Variants in TUBGCP6 observed in about 807,000 individuals in gnomAD.
The protein encoded by TUBGCP6 is tubulin gamma complex component 6.
A neutral mutation model predicts 175.8 loss-of-function variants in TUBGCP6; 161 were observed. The ratio of observed to expected loss-of-function variants is 0.92; its 90% confidence interval spans 0.81 to 1.04. TUBGCP6 has a LOEUF of 1.04. Ranked by LOEUF, TUBGCP6 falls within the 50% of genes least tolerant of loss-of-function variation. The probability of loss-of-function intolerance (pLI) is 0.00; values close to 1 mark genes in which losing one functional copy is unlikely to be tolerated. For synonymous variants in TUBGCP6, 1,173 were observed against 1,030.5 expected, an observed-to-expected ratio of 1.14 and a Z score of -2.65; for missense variants, 2,572 against 2,433.0, an observed-to-expected ratio of 1.06 and a Z score of -1.20.
chr22:50,225,993 T>C, intron 9 of TUBGCP6, 50 bp from the exon 10 acceptor site: 1 of 1,613,150 alleles, frequency 6.2e-7, no homozygotes, highest in Non-Finnish European at 8.5e-7. Flanking sequence ...CCCAGCCTCA[T>C]ACTCAGCCCC....
intron 1 of TUBGCP6, among the ~76,000 whole-genome samples, chr22:50,241,613 T>C (rs1320425737): frequency 1.3e-5 from 2 of 152,134 alleles, no homozygotes; most frequent in African/African-American, 4.8e-5. Context: ...AGCAAATTAG[T>C]GAAAGTACTA....
At chr22:50,227,885 C>A in intron 5 of TUBGCP6, 22 bp downstream of exon 5, 1 of 1,567,666 alleles carries the variant, frequency 6.4e-7, no homozygotes, top group Non-Finnish European at 8.6e-7. Flanking sequence ...GTCCCCTGCT[C>A]AGCCGCCATG....
intron 14 of TUBGCP6, 82 bp downstream of exon 14, chr22:50,222,372 T>C (rs2147181870): frequency 6.4e-7 from 1 of 1,573,386 alleles, no homozygotes; most frequent in Non-Finnish European, 8.7e-7. Flanking sequence ...TAGAAGAGCA[T>C]GTAGGTTTGT....
chr22:50,240,820 C>G (rs923865576), intron 1 of TUBGCP6, among the ~76,000 whole-genome samples: 8 of 152,162 alleles, frequency 5.3e-5, no homozygotes, highest in African/African-American at 1.9e-4. Flanking sequence ...GAAACCCCGT[C>G]TCTACTAAAA....
rs989880344 is a variant in TUBGCP6, at chr22:50,244,658, C to A, written c.-199G>T. 2 of 876,088 alleles carry A rather than the reference C, an allele frequency of 2.3e-6. No homozygotes were observed. Among genetic ancestry groups the A allele is most frequent in the African/African-American group, 3.4e-5 (2 of 58,850 alleles). 54.3% of individuals were successfully genotyped at this position (876,088 alleles called of 1,614,324 possible). ...ACTCAGAGTAAACACGCCCTGCCCT[C>A]CCCAGTCCAAGCACGCTGCCCGGCG... is the stretch of plus-strand genomic sequence containing the variant. On this transcript the variant is annotated 5_prime_UTR_variant, in exon 1 of 25. Transcript: ENST00000248846.
chr22:50,219,582 G>T, intron 18 of TUBGCP6, 62 bp downstream of exon 18: 1 of 1,597,620 alleles, frequency 6.3e-7, no homozygotes, highest in Admixed American at 1.7e-5. Context: ...CACAGGAGGT[G>T]GAGCACGTGC....
intron 2 of TUBGCP6, among the ~76,000 whole-genome samples, chr22:50,235,429 C>A (rs182924215): frequency 2.0e-5 from 3 of 147,412 alleles, no homozygotes; most frequent in African/African-American, 7.5e-5. Context: ...TCCGTGCAGA[C>A]CCCTGCCCAT....
At chr22:50,240,753 G>A (rs1347375537) in intron 1 of TUBGCP6, among the ~76,000 whole-genome samples, 1 of 152,242 alleles carries the variant, frequency 6.6e-6, no homozygotes. Context: ...ACTATGGGAG[G>A]CTGAGGCAGG....
intron 10 of TUBGCP6, among the ~76,000 whole-genome samples, chr22:50,224,983 A>G (rs1174125799): frequency 6.6e-6 from 1 of 152,002 alleles, no homozygotes; most frequent in Non-Finnish European, 1.5e-5. Context: ...ACACCTGTGG[A>G]CTCAGGGCCG....
At position 50,218,780 on chromosome 22, in the gene TUBGCP6, G is replaced by A. The variant is rs2064463031; in HGVS notation, c.4744C>T (p.Leu1582Phe). The part of the protein sequence containing the change: ...GDTPHASNLS[L>F]ALKYLPEVFA... ...ACCTCGGGCAGGTACTTGAGAGCGA[G>A]GGAGAGGTTGGAGGCGTGCGGGGTG... is the stretch of plus-strand genomic sequence containing the variant. Residue 1582 changes from leucine (L) to phenylalanine (F), a missense_variant, in exon 21 of 25, where the codon CTC becomes TTC. Coordinates refer to ENST00000248846, the MANE Select transcript of TUBGCP6 (RefSeq NM_020461.4). 1.2e-6 allele frequency: 2 copies of A among 1,613,988 alleles called. No homozygotes were observed. The highest frequency in any genetic ancestry group is 1.7e-6 in the Non-Finnish European group (2 of 1,180,012).
intron 2 of TUBGCP6, among the ~76,000 whole-genome samples, chr22:50,236,102 G>A (rs76117282): frequency 0.045 from 6,831 of 151,920 alleles, 520 homozygotes; most frequent in African/African-American, 0.16. Context: ...CCCCACCTCA[G>A]AAAAACCGTA....
At chr22:50,231,811 G>C (rs1569120611) in intron 3 of TUBGCP6, among the ~76,000 whole-genome samples, 1 of 143,298 alleles carries the variant, frequency 7.0e-6, no homozygotes, top group Non-Finnish European at 1.5e-5. Context: ...AGTGAGCCGA[G>C]ATCGCGCCAC....
Position 50,229,442 on chromosome 22 carries a change from C to T in TUBGCP6, c.1252G>A (p.Val418Ile), listed in dbSNP as rs373896485. The T allele has an allele frequency of 3.1e-6, 5 of 1,613,386 alleles. No homozygotes were observed. In the East Asian group the frequency reaches 6.7e-5, roughly 22 times the overall value. ...TRLSHFSLQP[V>I]LDSLYSKGLV... ...CCCTTGCTGTACAAAGAGTCCAGGA[C>T]GGGCTGCAGAGAGAAATGACTCAGG... The change falls in exon 4 of 25, where the codon GTC (valine) becomes ATC (isoleucine). Residue 418 changes from valine (V) to isoleucine (I), a missense_variant. By Grantham distance (29) the Val-to-Ile change is conservative. Coordinates refer to ENST00000248846, the MANE Select transcript of TUBGCP6 (RefSeq NM_020461.4).
At chr22:50,230,740 T>C (rs1428129678) in intron 3 of TUBGCP6, among the ~76,000 whole-genome samples, 4 of 150,002 alleles carry the variant, frequency 2.7e-5, no homozygotes, top group African/African-American at 7.4e-5. Flanking sequence ...GTTTGAGCCA[T>C]TGCACTCCAG....
rs775633902 is a variant in TUBGCP6, at chr22:50,221,981, G to C, written c.2484+47C>G. On this transcript the variant is annotated intron_variant, in intron 15 of 24. Coordinates refer to ENST00000248846, the MANE Select transcript of TUBGCP6 (RefSeq NM_020461.4). ...CCATGACCAACACCAGGTGCCGAGG[G>C]CTATGGGAAAACCATAGGGCACCCT... is the stretch of plus-strand genomic sequence containing the variant. 5 of 1,610,102 alleles carry C rather than the reference G, an allele frequency of 3.1e-6. No individual in the cohort carries two copies. The Admixed American group carries it at 8.4e-5, about 27-fold the overall frequency.
Position 50,224,567 on chromosome 22 carries a change from T to C in TUBGCP6, c.2009A>G (p.Gln670Arg), listed in dbSNP as rs569472147. 5.0e-6 allele frequency: 8 copies of C among 1,613,992 alleles called. No individual in the cohort carries two copies. The highest frequency in any genetic ancestry group is 6.8e-6 in the Non-Finnish European group (8 of 1,180,034). Residue 670 changes from glutamine to arginine, a missense_variant, in exon 11 of 25, where the codon CAA (glutamine) becomes CGA (arginine). By Grantham distance (43) the Gln-to-Arg change is conservative. Transcript: ENST00000248846. ...TTCCCGGGCATGAGCGATTAATTCT[T>C]GTTTTGCAATTTCCATACGTAATTC... Reference protein sequence around the residue: ...EKELRMEIAKQELIAHAREAA... With the variant: ...EKELRMEIAKRELIAHAREAA...
At position 50,218,813 on chromosome 22, in the gene TUBGCP6, G is replaced by A. The variant is rs1389487532; in HGVS notation, c.4711C>T (p.His1571Tyr). The A allele has an allele frequency of 6.2e-7, 1 of 1,613,976 alleles. No homozygotes were observed. Among genetic ancestry groups the A allele is most frequent in the East Asian group, 2.2e-5 (1 of 44,892 alleles). ...VLSKALQCSLHGDTPHASNLS... is the reference protein window; with the variant it reads ...VLSKALQCSLYGDTPHASNLS... Reference sequence around the variant, plus strand: ...TTGGAGGCGTGCGGGGTGTCCCCATGCAGGCTGCACTGCAGGGCCTTGCTC... The same window carrying A: ...TTGGAGGCGTGCGGGGTGTCCCCATACAGGCTGCACTGCAGGGCCTTGCTC... The change falls in exon 21 of 25, where the codon CAT becomes TAT. Residue 1571 changes from histidine to tyrosine, a missense_variant. By Grantham distance (83) the His-to-Tyr change is moderately conservative. Coordinates refer to ENST00000248846, the MANE Select transcript of TUBGCP6 (RefSeq NM_020461.4).
Position 50,219,467 on chromosome 22 carries a change from T to C in TUBGCP6, c.4316-11A>G, listed in dbSNP as rs778009048. The stretch of plus-strand genomic sequence containing the variant: ...CAATGGGCGGCTCGGCTGCGGGAGA[T>C]GGAGCACGCACGTGCTGGGAACCGG... On this transcript the variant is annotated splice_polypyrimidine_tract_variant and intron_variant, in intron 18 of 24. Coordinates refer to ENST00000248846, the MANE Select transcript of TUBGCP6 (RefSeq NM_020461.4). 5.0e-6 allele frequency: 8 copies of C among 1,588,106 alleles called. No individual in the cohort carries two copies. The highest frequency in any genetic ancestry group is 1.8e-5 in the Admixed American group (1 of 55,324).
intron 4 of TUBGCP6, among the ~76,000 whole-genome samples, chr22:50,229,116 T>G (rs1292601931): frequency 2.0e-5 from 3 of 152,046 alleles, no homozygotes; most frequent in Admixed American, 6.6e-5. Flanking sequence ...AGAGCCCCAC[T>G]CACGCCTTTC....
Sources: allele counts gnomAD v4.1 joint callset (sites outside exome capture counted in the v4.1 genomes callset), GRCh38; gene constraint gnomAD v4.1.1; transcripts MANE v1.5; gene names NCBI Gene and HGNC (gene_info 2026-07-23, HGNC 2026-07-21).